MCTP1: variants seen among roughly 807,000 people sequenced by gnomAD.
MCTP1 encodes multiple C2 and transmembrane domain-containing protein 1.
In MCTP1, 69 loss-of-function variants were observed where a neutral mutation model predicts 120.6. That is an observed-to-expected ratio of 0.57 (90% CI 0.47 to 0.70). MCTP1 has a LOEUF of 0.70. MCTP1 is among the 30% of genes least tolerant of loss of function. The pLI is 0.00. For missense variants in MCTP1, 1,203 were observed against 1,248.8 expected, an observed-to-expected ratio of 0.96 and a Z score of 0.55; for synonymous variants, 529 against 493.1, an observed-to-expected ratio of 1.07 and a Z score of -0.96.
rs372860530 is a variant in MCTP1 at position 94,708,549 on chromosome 5, A to G, written c.2891T>C (p.Leu964Pro). 1.9e-6 allele frequency: 3 copies of G among 1,611,064 alleles called. No individual in the cohort carries two copies. Among genetic ancestry groups the G allele is most frequent in the East Asian group, 2.2e-5 (1 of 44,806 alleles). The change falls in exon 22 of 23, where the codon CTT (leucine) becomes CCT (proline). Residue 964 changes from leucine (L) to proline (P), a missense_variant. By Grantham distance (98) the Leu-to-Pro change is moderately conservative (BLOSUM62 -3). Around this residue, in one of 2 missense-constraint regions of MCTP1, gnomAD observed 740 missense variants for 871.1 expected, o/e 0.85. Transcript: ENST00000515393. Reference sequence around the variant, plus strand: ...TGAAGGGACTCTGGAAAGGAAGTCAAGTAGTTCATTGTTATCAATTGCATA... The same window carrying G: ...TGAAGGGACTCTGGAAAGGAAGTCAGGTAGTTCATTGTTATCAATTGCATA... ...SPYAIDNNEL[L>P]DFLSRVPSDV... is the part of the protein sequence containing the mutation.
intron 17 of MCTP1, among the ~76,000 whole-genome samples, chr5:94,854,065 G>T (rs557790813): frequency 2.0e-4 from 30 of 151,838 alleles, no homozygotes; most frequent in Admixed American, 6.6e-4. Context: ...ATGAAGATGG[G>T]ATGGGTTTAA....
chr5:95,063,373 A>G (rs1460629416), intron 1 of MCTP1, among the ~76,000 whole-genome samples: 1 of 152,126 alleles, frequency 6.6e-6, no homozygotes, highest in Non-Finnish European at 1.5e-5. Flanking sequence ...AAATGTTTCT[A>G]TTACAGTAAA....
intron 18 of MCTP1, among the ~76,000 whole-genome samples, chr5:94,779,575 A>G (rs1050036117): frequency 3.9e-5 from 6 of 152,154 alleles, no homozygotes; most frequent in African/African-American, 1.4e-4. Context: ...ACCAAACTCT[A>G]AGATTAAAAA....
chr5:94,979,259 C>T (rs1321360969), intron 2 of MCTP1: 1 of 152,052 alleles, frequency 6.6e-6, no homozygotes, highest in African/African-American at 2.4e-5. Flanking sequence ...ACTTGTGCCC[C>T]CCATGATTTC....
At chr5:95,007,936 T>G (rs1835093557) in intron 2 of MCTP1, among the ~76,000 whole-genome samples, 1 of 152,220 alleles carries the variant, frequency 6.6e-6, no homozygotes, top group Admixed American at 6.5e-5. Context: ...ACAGGATTTT[T>G]TTAACGCTAT....
At chr5:94,715,975 A>C (rs1457042438) in intron 19 of MCTP1, among the ~76,000 whole-genome samples, 3 of 152,240 alleles carry the variant, frequency 2.0e-5, no homozygotes, top group Admixed American at 1.3e-4. Flanking sequence ...GCACATTTAC[A>C]TACTGACTTT....
intron 1 of MCTP1, among the ~76,000 whole-genome samples, chr5:95,097,994 A>G (rs1324593234): frequency 2.0e-5 from 3 of 152,228 alleles, no homozygotes; most frequent in Non-Finnish European, 4.4e-5. Context: ...TTGAGTAATA[A>G]TAATTAGTAC....
chr5:94,904,766 G>C (rs985579753), intron 10 of MCTP1, among the ~76,000 whole-genome samples: 1 of 152,086 alleles, frequency 6.6e-6, no homozygotes, highest in Non-Finnish European at 1.5e-5. Context: ...GTCTGACAAA[G>C]AGCCATAATT....
rs1308406171 is a variant in MCTP1, at chr5:94,931,992, C to G, written c.1174-1G>C. 6 of 1,592,146 alleles carry G rather than the reference C, an allele frequency of 3.8e-6. No individual in the cohort carries two copies. Among genetic ancestry groups the G allele is most frequent in the Non-Finnish European group, 5.2e-6 (6 of 1,161,802 alleles). ...TCCAACTCTTCCTCATTAGCATTGTCTGTAAATAAAATAAAGCATTTTCAT... is the reference window on the plus strand; with the variant it reads ...TCCAACTCTTCCTCATTAGCATTGTGTGTAAATAAAATAAAGCATTTTCAT... On this transcript the variant is annotated splice_acceptor_variant, in intron 5 of 22. Transcript: ENST00000515393. LOFTEE classifies it high-confidence loss of function.
intron 19 of MCTP1, among the ~76,000 whole-genome samples, chr5:94,750,734 C>T (rs1768087369): frequency 6.6e-6 from 1 of 152,174 alleles, no homozygotes; most frequent in African/African-American, 2.4e-5. Context: ...TCTTAAGCCC[C>T]CAAGACTTGC....
chr5:95,211,573 C>T (rs935314540), intron 1 of MCTP1, among the ~76,000 whole-genome samples: 3 of 152,128 alleles, frequency 2.0e-5, no homozygotes, highest in East Asian at 1.9e-4. Context: ...GTTATACATT[C>T]GTCTAAATTC....
rs1229445940 is a variant in MCTP1 at position 94,941,917 on chromosome 5, C to T, written c.1061+431G>A. On this transcript the variant is annotated intron_variant, in intron 4 of 22. Coordinates refer to ENST00000515393, the MANE Select transcript of MCTP1 (RefSeq NM_024717.7). ...GGCAAAATCAGATTCTACCATGGCT[C>T]GAGTGACAAGAGAGTTGCTGTTTCT... 2.0e-5 allele frequency among the ~76,000 whole-genome samples: 3 copies of T among 151,968 alleles called. No homozygotes were observed. The East Asian group carries it at 5.8e-4, about 29-fold the overall frequency.
intron 17 of MCTP1, among the ~76,000 whole-genome samples, chr5:94,857,767 A>G (rs1157987979): frequency 6.6e-6 from 1 of 151,696 alleles, no homozygotes; most frequent in Non-Finnish European, 1.5e-5. Context: ...AAAACTGTGC[A>G]CCAAATGTAT....
chr5:94,841,334 G>T (rs1419238762), intron 17 of MCTP1, among the ~76,000 whole-genome samples: 1 of 152,128 alleles, frequency 6.6e-6, no homozygotes, highest in Non-Finnish European at 1.5e-5. Context: ...CATGAAGATT[G>T]GCATTTCGAT....
intron 1 of MCTP1, among the ~76,000 whole-genome samples, chr5:95,022,067 T>A (rs1237706681): frequency 6.6e-6 from 1 of 152,204 alleles, no homozygotes; most frequent in Non-Finnish European, 1.5e-5. Context: ...TACTTGGCAC[T>A]GTGAATTTGT....
chr5:95,180,621 C>T (rs1174668781), intron 1 of MCTP1, among the ~76,000 whole-genome samples: 1 of 152,114 alleles, frequency 6.6e-6, no homozygotes, highest in Non-Finnish European at 1.5e-5. Flanking sequence ...AGTCCTTAAC[C>T]TCTTACTGTT....
At position 95,284,138 on chromosome 5, in the gene MCTP1, C is replaced by T. The variant is rs1262277250; in HGVS notation, c.438G>A (p.Thr146=). 10 of 1,553,794 alleles carry T rather than the reference C, an allele frequency of 6.4e-6. No individual in the cohort carries two copies. Among genetic ancestry groups the T allele is most frequent in the Middle Eastern group, 1.8e-4 (1 of 5,454 alleles). Residue 146 remains threonine, a synonymous_variant, in exon 1 of 23, where the codon ACG becomes ACA. Coordinates refer to ENST00000515393, the MANE Select transcript of MCTP1 (RefSeq NM_024717.7). The surrounding 1 kb of genome is among the most constrained non-coding windows in gnomAD (Gnocchi z 5.2). ...AGTCGGGGGAGCGTCCGCCAGGAGG[C>T]GTCCCTCCCGCTGCTCCCGAGGCCG... The part of the protein sequence containing the change: ...PAAASGAAGG[T]PPGGRSPDSA...
At chr5:94,788,652 G>A (rs1422675709) in intron 18 of MCTP1, 1 of 152,230 alleles carries the variant, frequency 6.6e-6, no homozygotes, top group Non-Finnish European at 1.5e-5. Flanking sequence ...CAGGCCGAAG[G>A]TGCTTCTGTT....
chr5:95,256,723 T>TA (rs578153315), intron 1 of MCTP1, among the ~76,000 whole-genome samples: 13 of 151,722 alleles, frequency 8.6e-5, no homozygotes, highest in Admixed American at 3.9e-4. Flanking sequence ...GAAATGCAGC[T>TA]AAAAAAAAGA....
Sources: allele counts gnomAD v4.1 joint callset (sites outside exome capture counted in the v4.1 genomes callset), GRCh38; gene constraint gnomAD v4.1.1; regional missense constraint gnomAD v4.1.1; non-coding constraint Gnocchi (gnomAD v3.1); transcripts MANE v1.5; gene names NCBI Gene and HGNC (gene_info 2026-07-23, HGNC 2026-07-21).